Variants in COA1 observed in about 807,000 individuals in gnomAD.
The protein encoded by COA1 is cytochrome c oxidase assembly factor 1, also known as cytochrome c oxidase assembly factor 1 homolog.
COA1 carries 13 observed loss-of-function variants against 16.0 expected under a neutral mutation model. That is an observed-to-expected ratio of 0.81 (90% confidence interval 0.53 to 1.29). COA1 has a LOEUF of 1.29. Among genes scored for constraint, COA1 ranks in the 50% most tolerant of loss-of-function variants. The probability of loss-of-function intolerance (pLI) is 0.00; values close to 1 mark genes in which losing one functional copy is unlikely to be tolerated. For synonymous variants in COA1, 65 were observed against 65.7 expected (o/e 0.99, Z 0.05); for missense variants, 179 against 177.0 (o/e 1.01, Z -0.06).
At chr7:43,692,696 A>C (rs1371868296) in intron 1 of COA1, among the ~76,000 whole-genome samples, 1 of 152,178 alleles carries the variant, frequency 6.6e-6, no homozygotes, top group Non-Finnish European at 1.5e-5. Context: ...AAACCAAAAT[A>C]AACAACAAAT....
At chr7:43,631,652 T>C (rs2085183497) in intron 6 of COA1, 1 of 152,248 alleles carries the variant, frequency 6.6e-6, no homozygotes, top group Non-Finnish European at 1.5e-5. Context: ...CACTTCTTTC[T>C]TGATGCTTTC....
At chr7:43,625,849 A>G (rs1479168518) in intron 6 of COA1, 1 of 152,192 alleles carries the variant, frequency 6.6e-6, no homozygotes, top group Non-Finnish European at 1.5e-5. Flanking sequence ...AGGAAAAGTT[A>G]TAAAATGCCA....
intron 1 of COA1, among the ~76,000 whole-genome samples, chr7:43,679,679 C>T (rs898038199): frequency 1.3e-5 from 2 of 152,196 alleles, no homozygotes; most frequent in Non-Finnish European, 2.9e-5. Flanking sequence ...TAAGTACCTA[C>T]GCTGTGGACT....
chr7:43,627,312 G>C (rs566721025), intron 6 of COA1, among the ~76,000 whole-genome samples: 6 of 152,254 alleles, frequency 3.9e-5, no homozygotes, highest in East Asian at 1.9e-4. Context: ...GCTCATTGTT[G>C]AATCTCTTAA....
intron 1 of COA1, among the ~76,000 whole-genome samples, chr7:43,690,061 G>A (rs186612306): frequency 3.2e-4 from 48 of 152,200 alleles, no homozygotes; most frequent in African/African-American, 1.1e-3. Flanking sequence ...AATGTAAATT[G>A]TCTGCAAGAA....
At chr7:43,613,354 A>C (rs2083054165) in intron 6 of COA1, among the ~76,000 whole-genome samples, 1 of 152,182 alleles carries the variant, frequency 6.6e-6, no homozygotes, top group South Asian at 2.1e-4. Context: ...AGTAACCTAG[A>C]GATGATTTAA....
chr7:43,724,278 C>A (rs1450169401), intron 1 of COA1, among the ~76,000 whole-genome samples: 3 of 152,204 alleles, frequency 2.0e-5, no homozygotes, highest in East Asian at 3.9e-4. Context: ...CACAGCCAGG[C>A]GCGGTGGCTC....
At chr7:43,647,170 G>A (rs1405586060) in intron 3 of COA1, 2 of 287,398 alleles carry the variant, frequency 7.0e-6, no homozygotes, top group Non-Finnish European at 1.3e-5. Flanking sequence ...AATGCTGGAC[G>A]CACAGCCACA....
At chr7:43,691,675 A>G (rs1481799408) in intron 1 of COA1, among the ~76,000 whole-genome samples, 1 of 152,208 alleles carries the variant, frequency 6.6e-6, no homozygotes, top group Non-Finnish European at 1.5e-5. Flanking sequence ...CACCTGCTCT[A>G]TCCTCTGACA....
chr7:43,654,439 C>T (rs1300764622), intron 1 of COA1, among the ~76,000 whole-genome samples: 2 of 151,980 alleles, frequency 1.3e-5, no homozygotes, highest in East Asian at 1.9e-4. Context: ...AAGAACCACA[C>T]GTGATGGGAA....
chr7:43,630,738 T>C (rs2085095935), intron 6 of COA1, among the ~76,000 whole-genome samples: 1 of 152,226 alleles, frequency 6.6e-6, no homozygotes, highest in Non-Finnish European at 1.5e-5. Flanking sequence ...CTACAGGAAA[T>C]TGATATTTGC....
chr7:43,637,251 T>C (rs3779061), downstream of COA1, among the ~76,000 whole-genome samples: 125,765 of 152,138 alleles, frequency 0.83, 52,420 homozygotes, highest in African/African-American at 0.94. Context: ...TAATACTCTC[T>C]ACAACCCCTG....
At chr7:43,715,941 G>A (rs557617902) in intron 1 of COA1, among the ~76,000 whole-genome samples, 3 of 152,228 alleles carry the variant, frequency 2.0e-5, no homozygotes, top group South Asian at 2.1e-4. Flanking sequence ...AGGGGTTTCC[G>A]CTTTTGCATC....
chr7:43,648,294 T>C (rs1234576719), intron 2 of COA1: 1 of 495,930 alleles, frequency 2.0e-6, no homozygotes, highest in African/African-American at 1.9e-5. Context: ...AGAGCATCTC[T>C]GAAGAATGTA....
At chr7:43,642,844 T>C (rs1052459537) in intron 4 of COA1, among the ~76,000 whole-genome samples, 1 of 152,202 alleles carries the variant, frequency 6.6e-6, no homozygotes, top group Non-Finnish European at 1.5e-5. Context: ...CATGAACAAC[T>C]GAAACATCTC....
chr7:43,645,110 T>C lies in COA1; in HGVS notation c.264+141A>G, dbSNP rs1262513587. The C allele has an allele frequency of 1.1e-5, 5 of 472,014 alleles. No homozygotes were observed. The Admixed American group carries it at 2.0e-4, about 19-fold the overall frequency. The allele number at this position is 472,014 out of a possible 1,614,324, so 29.2% of individuals were successfully genotyped here. A position where few individuals can be genotyped will look rare whatever the true frequency, so the allele number is the denominator to read the frequency against. On this transcript the variant is annotated intron_variant, in intron 4 of 5. Coordinates refer to ENST00000223336, the MANE Select transcript of COA1 (RefSeq NM_018224.4). ...ACATTAAAATCCATAATAGAAAAAC[T>C]TTTTTTAAAGGTGCCAAACCTAGCT...
intron 1 of COA1, among the ~76,000 whole-genome samples, chr7:43,709,056 TTCTC>T (rs1563444545): frequency 6.6e-6 from 1 of 151,050 alleles, no homozygotes; most frequent in African/African-American, 2.4e-5. Context: ...CAGAGTCTCA[TTCTC>T]TCTCCCAGTC....
intron 1 of COA1, chr7:43,649,265 C>G (rs1296623615): frequency 6.6e-6 from 1 of 152,246 alleles, no homozygotes; most frequent in Non-Finnish European, 1.5e-5. Context: ...AAGTAACATG[C>G]CCAAAGGTGC....
intron 6 of COA1, chr7:43,619,554 A>C (rs201533450): frequency 1.2e-4 from 196 of 1,600,000 alleles, no homozygotes; most frequent in Admixed American, 1.7e-4. Context: ...TGTGTACTTA[A>C]TCATAGTTAT....
Sources: allele counts gnomAD v4.1 joint callset (sites outside exome capture counted in the v4.1 genomes callset), GRCh38; gene constraint gnomAD v4.1.1; transcripts MANE v1.5; gene names NCBI Gene and HGNC (gene_info 2026-07-23, HGNC 2026-07-21).